The following SNX18 variants were observed in gnomAD, a reference collection of about 807,000 sequenced individuals.
SNX18 encodes the protein sorting nexin 18.
A neutral mutation model predicts 48.7 loss-of-function variants in SNX18; 35 were observed. That is an observed-to-expected ratio of 0.72 (90% confidence interval 0.55 to 0.95). The LOEUF (loss-of-function observed/expected upper bound fraction) is 0.95, where lower values mean the gene tolerates loss of function less well. Ranked by LOEUF, SNX18 falls within the 40% of genes least tolerant of loss-of-function variation. The pLI is 0.00. For missense variants in SNX18, 824 were observed against 871.0 expected, an observed-to-expected ratio of 0.95 and a Z score of 0.68; for synonymous variants, 492 against 384.7, an observed-to-expected ratio of 1.28 and a Z score of -3.26.
At chr5:54,563,948 C>T in the SNX18 span, among the ~76,000 whole-genome samples, 6 of 152,042 alleles carry the variant, frequency 3.9e-5, no homozygotes, top group South Asian at 1.0e-3. Flanking sequence ...TTATACATTT[C>T]TTTTTCAACT....
intron 1 of SNX18, chr5:54,520,094 G>T: frequency 2.5e-6 from 1 of 396,816 alleles, no homozygotes; most frequent in Non-Finnish European, 4.7e-6. Flanking sequence ...AGAAATTCCT[G>T]CAAAGAATTC....
the SNX18 span, among the ~76,000 whole-genome samples, chr5:54,602,610 G>A: frequency 1.3e-5 from 2 of 152,274 alleles, no homozygotes; most frequent in East Asian, 3.9e-4. Flanking sequence ...TGAGGCAAGT[G>A]TCAGAGCGGG....
chr5:54,554,185 A>G, the SNX18 span, among the ~76,000 whole-genome samples: 1 of 152,216 alleles, frequency 6.6e-6, no homozygotes, highest in Non-Finnish European at 1.5e-5. Flanking sequence ...ATATCTGCAA[A>G]TGAGCTGATA....
At chr5:54,559,904 A>G in the SNX18 span, among the ~76,000 whole-genome samples, 1 of 152,240 alleles carries the variant, frequency 6.6e-6, no homozygotes, top group African/African-American at 2.4e-5. Context: ...AAAGGACATG[A>G]ACAAGACACT....
At chr5:54,560,785 C>T in the SNX18 span, among the ~76,000 whole-genome samples, 1 of 152,084 alleles carries the variant, frequency 6.6e-6, no homozygotes, top group Non-Finnish European at 1.5e-5. Context: ...CCAGCACGGC[C>T]AAGGGGAGGC....
chr5:54,527,238 C>T (rs1048528320), intron 1 of SNX18, among the ~76,000 whole-genome samples: 4 of 151,992 alleles, frequency 2.6e-5, no homozygotes, highest in African/African-American at 7.2e-5. Context: ...AATAGAATGG[C>T]GTGTGGCAGT....
the SNX18 span, among the ~76,000 whole-genome samples, chr5:54,577,091 G>A: frequency 2.0e-5 from 3 of 152,160 alleles, no homozygotes; most frequent in East Asian, 1.9e-4. Flanking sequence ...GTGAGCCACC[G>A]TGCCCGGCCA....
intron 1 of SNX18, among the ~76,000 whole-genome samples, chr5:54,521,407 A>G (rs550922492): frequency 1.1e-4 from 16 of 152,346 alleles, no homozygotes; most frequent in South Asian, 6.2e-4. Context: ...TACTTAGTCT[A>G]TTAAACCATC....
At chr5:54,627,486 C>T in the SNX18 span, among the ~76,000 whole-genome samples, 1 of 152,140 alleles carries the variant, frequency 6.6e-6, no homozygotes, top group South Asian at 2.1e-4. Flanking sequence ...ATGCCTAGCT[C>T]ATAGTGAGTA....
the SNX18 span, among the ~76,000 whole-genome samples, chr5:54,628,801 A>C: frequency 1.3e-5 from 2 of 152,190 alleles, no homozygotes; most frequent in Non-Finnish European, 2.9e-5. Context: ...ATGGCTCTGC[A>C]CTTTAACCCG....
At chr5:54,613,384 T>C in the SNX18 span, among the ~76,000 whole-genome samples, 1 of 151,932 alleles carries the variant, frequency 6.6e-6, no homozygotes. Flanking sequence ...GGTCAAGAGA[T>C]CACGCACATG....
chr5:54,615,349 C>G, the SNX18 span, among the ~76,000 whole-genome samples: 3 of 152,194 alleles, frequency 2.0e-5, no homozygotes, highest in Admixed American at 6.5e-5. Context: ...AGACTAGCTT[C>G]TCATCCTCTG....
chr5:54,556,929 C>T, the SNX18 span, among the ~76,000 whole-genome samples: 1 of 152,182 alleles, frequency 6.6e-6, no homozygotes, highest in Non-Finnish European at 1.5e-5. Flanking sequence ...CTGAATTGTC[C>T]ATGATCCAAA....
At chr5:54,541,020 C>CTT (rs567915337) in intron 1 of SNX18, among the ~76,000 whole-genome samples, 2 of 151,414 alleles carry the variant, frequency 1.3e-5, no homozygotes, top group East Asian at 1.9e-4. Flanking sequence ...CTGGTCTTTT[C>CTT]TTTTTTTTCT....
At chr5:54,565,579 A>G in the SNX18 span, among the ~76,000 whole-genome samples, 1 of 152,230 alleles carries the variant, frequency 6.6e-6, no homozygotes, top group African/African-American at 2.4e-5. Flanking sequence ...TCTTAAAAAA[A>G]AAAGTACAGT....
At chr5:54,641,160 C>G in the SNX18 span, among the ~76,000 whole-genome samples, 1 of 152,068 alleles carries the variant, frequency 6.6e-6, no homozygotes, top group Non-Finnish European at 1.5e-5. Flanking sequence ...CCCAGGGGTT[C>G]GATACCACCT....
the SNX18 span, among the ~76,000 whole-genome samples, chr5:54,562,882 G>A: frequency 6.6e-6 from 1 of 152,182 alleles, no homozygotes; most frequent in Non-Finnish European, 1.5e-5. Flanking sequence ...CCTTCCAGTG[G>A]GGCAAGATGT....
At chr5:54,529,658 G>A (rs1191636968) in intron 1 of SNX18, among the ~76,000 whole-genome samples, 2 of 151,726 alleles carry the variant, frequency 1.3e-5, no homozygotes, top group Non-Finnish European at 2.9e-5. Context: ...AAATTCAGAA[G>A]CGATACATTG....
intron 1 of SNX18, among the ~76,000 whole-genome samples, chr5:54,535,367 G>C (rs1034631596): frequency 3.9e-5 from 6 of 152,208 alleles, no homozygotes; most frequent in African/African-American, 1.4e-4. Context: ...AAATTGCACT[G>C]ATATGAAAAT....
Sources: gnomAD v4.1 joint callset for allele counts (sites outside exome capture counted in the v4.1 genomes callset) on GRCh38, gnomAD v4.1.1 for gene constraint, MANE v1.5 for transcripts, NCBI Gene and HGNC (gene_info 2026-07-23, HGNC 2026-07-21) for gene names.